TSPAN4: variants seen among roughly 807,000 people sequenced by gnomAD.
The protein encoded by TSPAN4 is tetraspanin-4.
A neutral mutation model predicts 31.5 loss-of-function variants in TSPAN4; 38 were observed. That is an observed-to-expected ratio of 1.21 (90% CI 0.93 to 1.58). The LOEUF (loss-of-function observed/expected upper bound fraction) is 1.58, where lower values mean the gene tolerates loss of function less well. Ranked by LOEUF, TSPAN4 falls within the 40% of genes most tolerant of loss-of-function variation. TSPAN4 has a pLI of 0.00. For missense variants in TSPAN4, 330 were observed against 317.3 expected (o/e 1.04, Z -0.30); for synonymous variants, 186 against 144.6 (o/e 1.29, Z -2.06).
rs770155794 is a variant in TSPAN4 at position 850,268 on chromosome 11, C to T, written c.-17-20C>T. ...AGTACGTGGTTTTCTACCTGGACCTCTCCTTCATCTTCCTCCTAGAACTGA... is the reference window on the plus strand; with the variant it reads ...AGTACGTGGTTTTCTACCTGGACCTTTCCTTCATCTTCCTCCTAGAACTGA... On this transcript the variant is annotated intron_variant, in intron 2 of 8. Transcript: ENST00000397397. 3 of 1,592,502 alleles carry T rather than the reference C, an allele frequency of 1.9e-6. No individual in the cohort carries two copies. Among genetic ancestry groups the T allele is most frequent in the African/African-American group, 1.3e-5 (1 of 74,416 alleles).
intron 4 of TSPAN4, chr11:863,577 T>C (rs1848595853): frequency 6.6e-6 from 1 of 152,280 alleles, no homozygotes; most frequent in South Asian, 2.1e-4. Context: ...TACTGGGGCT[T>C]GGAGCTCCTC....
At chr11:855,814 G>A (rs961849450) in intron 3 of TSPAN4, among the ~76,000 whole-genome samples, 3 of 152,226 alleles carry the variant, frequency 2.0e-5, no homozygotes, top group African/African-American at 7.2e-5. Flanking sequence ...TCCTGAGGCT[G>A]TGCTGGCTGC....
chr11:862,641 C>T lies in TSPAN4; in HGVS notation c.155C>T (p.Ser52Leu), dbSNP rs1045266989. The change falls in exon 4 of 9, where the codon TCG becomes TTG. Residue 52 changes from serine (S) to leucine (L), a missense_variant. Transcript: ENST00000397397. The part of the protein sequence containing the change: ...ATLSSSFPSL[S>L]AANLLIITGA... ...CTGTCCTCTTCCTTCCCGTCCCTGTCGGCTGCCAACTTGCTCATCATCACC... is the reference window on the plus strand; with the variant it reads ...CTGTCCTCTTCCTTCCCGTCCCTGTTGGCTGCCAACTTGCTCATCATCACC... 6.8e-6 allele frequency: 11 copies of T among 1,613,268 alleles called. No individual in the cohort carries two copies. The highest frequency in any genetic ancestry group is 1.3e-5 in the African/African-American group (1 of 74,916).
chr11:857,400 G>GTTTTTTTTTTTT (rs59381120), intron 3 of TSPAN4: 2 of 100,310 alleles, frequency 2.0e-5, no homozygotes, highest in Non-Finnish European at 1.8e-5. Flanking sequence ...GGCAGTTTGG[G>GTTTTTTTTTTTT]TTTTTTTTTT....
chr11:864,194 C>T, intron 4 of TSPAN4: 1 of 584,058 alleles, frequency 1.7e-6, no homozygotes, highest in Non-Finnish European at 3.1e-6. Flanking sequence ...GGAGGGGAGC[C>T]CAGGCCAGCC....
chr11:851,776 G>A (rs538032032), intron 3 of TSPAN4, among the ~76,000 whole-genome samples: 2 of 152,136 alleles, frequency 1.3e-5, no homozygotes, highest in South Asian at 4.2e-4. Flanking sequence ...TGTGACGGGG[G>A]GACGGGGCAG....
chr11:866,100 G>A lies in TSPAN4; in HGVS notation c.648+99G>A, dbSNP rs548466613. The A allele has an allele frequency of 3.8e-4, 506 of 1,330,526 alleles. 1 individual carries two copies. The highest frequency in any genetic ancestry group is 2.3e-3 in the Middle Eastern group (9 of 3,992). The allele number at this position is 1,330,526 out of a possible 1,614,324, so 82.4% of individuals were successfully genotyped here. On this transcript the variant is annotated intron_variant, in intron 8 of 8. Transcript: ENST00000397397. ...AAAGACCTTGCCCCCAGGAACCCACGATCGGGGGAGGCCGGGGCAAAAGCA... is the reference window on the plus strand; with the variant it reads ...AAAGACCTTGCCCCCAGGAACCCACAATCGGGGGAGGCCGGGGCAAAAGCA...
At position 862,729 on chromosome 11, in the gene TSPAN4, C is replaced by T. The variant is rs144548229; in HGVS notation, c.243C>T (p.Cys81=). The change falls in exon 4 of 9, where the codon TGC becomes TGT. Residue 81 remains cysteine (C), a synonymous_variant. Transcript: ENST00000397397. ...GCLGAIKENK[C]LLLTFFLLLL... Reference sequence around the variant, plus strand: ...TGGGTGCCATCAAGGAGAACAAGTGCCTCCTGCTCACTGTGAGTGCCGGGG... The same window carrying T: ...TGGGTGCCATCAAGGAGAACAAGTGTCTCCTGCTCACTGTGAGTGCCGGGG... 1.6e-5 allele frequency: 25 copies of T among 1,611,048 alleles called. No homozygotes were observed. Among genetic ancestry groups the T allele is most frequent in the Non-Finnish European group, 1.8e-5 (21 of 1,178,854 alleles).
chr11:852,126 CTTT>C (rs991181566), intron 3 of TSPAN4, among the ~76,000 whole-genome samples: 30 of 152,272 alleles, frequency 2.0e-4, no homozygotes, highest in African/African-American at 7.2e-4. Flanking sequence ...GCAATTCTCT[CTTT>C]TTTATCTTTG....
chr11:858,107 G>C (rs1246344882), intron 3 of TSPAN4: 1 of 152,426 alleles, frequency 6.6e-6, no homozygotes, highest in Non-Finnish European at 1.5e-5. Flanking sequence ...GCATGGCCTT[G>C]TCTGTACATG....
chr11:861,917 C>T (rs1848480471), intron 3 of TSPAN4, among the ~76,000 whole-genome samples: 2 of 152,194 alleles, frequency 1.3e-5, no homozygotes, highest in African/African-American at 2.4e-5. Flanking sequence ...GGTGAGACTC[C>T]ATCTCCAAAA....
At chr11:861,159 C>G (rs1848434813) in intron 3 of TSPAN4, among the ~76,000 whole-genome samples, 1 of 152,338 alleles carries the variant, frequency 6.6e-6, no homozygotes, top group South Asian at 2.1e-4. Flanking sequence ...TCGTCTCCCC[C>G]TGCCTCTTCC....
At chr11:851,048 C>CG (rs1328100366) in intron 3 of TSPAN4, among the ~76,000 whole-genome samples, 2 of 152,244 alleles carry the variant, frequency 1.3e-5, no homozygotes, top group African/African-American at 2.4e-5. Context: ...CAGTGGTGTC[C>CG]GGGGGGGCCC....
At chr11:849,638 G>T (rs1163363892) in intron 2 of TSPAN4, among the ~76,000 whole-genome samples, 1 of 151,958 alleles carries the variant, frequency 6.6e-6, no homozygotes, top group Admixed American at 6.5e-5. Flanking sequence ...AGGTGGGGGG[G>T]CTGGGGCGCC....
At chr11:849,507 G>C (rs182531296) in intron 2 of TSPAN4, among the ~76,000 whole-genome samples, 3 of 152,146 alleles carry the variant, frequency 2.0e-5, no homozygotes, top group Admixed American at 6.5e-5. Flanking sequence ...AGGTACCGTG[G>C]GGGGAAGGGC....
chr11:854,765 C>T (rs1057110362), intron 3 of TSPAN4, among the ~76,000 whole-genome samples: 15 of 152,228 alleles, frequency 9.9e-5, no homozygotes, highest in Admixed American at 7.8e-4. Flanking sequence ...GGCTTCCCCT[C>T]CCCTGGGATG....
chr11:859,102 CCG>C (rs1848255575), intron 3 of TSPAN4, among the ~76,000 whole-genome samples: 5 of 141,718 alleles, frequency 3.5e-5, no homozygotes, highest in Non-Finnish European at 6.2e-5. Flanking sequence ...ACACGCACCC[CCG>C]GGCTCACACG....
rs2133990863 is a variant in TSPAN4, at chr11:848,556, C to T, written c.-18+1256C>T. Among the ~76,000 whole-genome samples the T allele has an allele frequency of 6.6e-6, 1 of 152,282 alleles. No homozygotes were observed. Among genetic ancestry groups the T allele is most frequent in the African/African-American group, 2.4e-5 (1 of 41,550 alleles). ...GCGGGACCTCCCTGGGCACCCGGGG[C>T]TTCCACGGCAGCCCTCCCCAGACCT... is the stretch of plus-strand genomic sequence containing the variant. On this transcript the variant is annotated intron_variant, in intron 2 of 8. Coordinates refer to ENST00000397397, the MANE Select transcript of TSPAN4 (RefSeq NM_003271.5). The surrounding 1 kb of genome is among the most constrained non-coding windows in gnomAD (Gnocchi z 5.7).
rs367776539 is a variant in TSPAN4, at chr11:865,591, G to A, written c.409G>A (p.Ala137Thr). The A allele has an allele frequency of 1.3e-5, 21 of 1,612,918 alleles. No individual in the cohort carries two copies. Among genetic ancestry groups the A allele is most frequent in the African/African-American group, 6.7e-5 (5 of 75,044 alleles). Residue 137 changes from alanine to threonine, a missense_variant, in exon 6 of 9, where the codon GCC (alanine) becomes ACC (threonine). Ala to Thr is a moderately conservative substitution (Grantham distance 58). Transcript: ENST00000397397. ...GTQGNVGLTN[A>T]WSIIQTDFRC... ...GCAGGGCAACGTGGGCCTCACCAACGCCTGGAGCATCATCCAGACCGACGT... is the reference window on the plus strand; with the variant it reads ...GCAGGGCAACGTGGGCCTCACCAACACCTGGAGCATCATCCAGACCGACGT...
Sources: allele counts gnomAD v4.1 joint callset (sites outside exome capture counted in the v4.1 genomes callset), GRCh38; gene constraint gnomAD v4.1.1; non-coding constraint Gnocchi (gnomAD v3.1); transcripts MANE v1.5; gene names NCBI Gene and HGNC (gene_info 2026-07-23, HGNC 2026-07-21).